The following NKAIN3 variants were observed in gnomAD, a reference collection of about 807,000 sequenced individuals.
NKAIN3 encodes the protein sodium/potassium transporting ATPase interacting 3, also known as sodium/potassium-transporting ATPase subunit beta-1-interacting protein 3.
A neutral mutation model predicts 30.2 loss-of-function variants in NKAIN3; 25 were observed. The ratio of observed to expected loss-of-function variants is 0.83; its 90% confidence interval spans 0.60 to 1.16. The LOEUF is 1.16. Among genes scored for constraint, NKAIN3 ranks in the 50% most tolerant of loss-of-function variants. The pLI is 0.00. For synonymous variants in NKAIN3, 91 were observed against 89.6 expected, an observed-to-expected ratio of 1.02 and a Z score of -0.09; for missense variants, 225 against 254.1, an observed-to-expected ratio of 0.89 and a Z score of 0.78.
intron 3 of NKAIN3, among the ~76,000 whole-genome samples, chr8:62,648,624 GAA>G (rs1812536684): frequency 6.6e-6 from 1 of 152,186 alleles, no homozygotes; most frequent in South Asian, 2.1e-4. Context: ...ACACTTTCAG[GAA>G]AACCTTACCT....
intron 4 of NKAIN3, among the ~76,000 whole-genome samples, chr8:62,904,441 T>G (rs1821715708): frequency 6.6e-6 from 1 of 152,222 alleles, no homozygotes; most frequent in Non-Finnish European, 1.5e-5. Context: ...ATCCATCTGT[T>G]GAAGATGGTA....
intron 1 of NKAIN3, among the ~76,000 whole-genome samples, chr8:62,495,654 A>C (rs1449830547): frequency 1.3e-5 from 2 of 151,952 alleles, no homozygotes; most frequent in South Asian, 2.1e-4. Context: ...ATAAACCTAG[A>C]GTATAGATAG....
chr8:62,956,046 A>C (rs541769368), intron 6 of NKAIN3, among the ~76,000 whole-genome samples: 1 of 152,356 alleles, frequency 6.6e-6, no homozygotes, highest in African/African-American at 2.4e-5. Flanking sequence ...ACTAAGACTG[A>C]ATTGAAATCA....
intron 1 of NKAIN3, among the ~76,000 whole-genome samples, chr8:62,343,604 G>A (rs1232505132): frequency 6.6e-6 from 1 of 151,952 alleles, no homozygotes; most frequent in Non-Finnish European, 1.5e-5. Flanking sequence ...TAGGCCAGGA[G>A]TTTGAGACCA....
chr8:62,784,497 T>C (rs1471106558), intron 4 of NKAIN3, among the ~76,000 whole-genome samples: 7 of 152,060 alleles, frequency 4.6e-5, no homozygotes, highest in Middle Eastern at 3.4e-3. Context: ...GATAATACTA[T>C]GAGCAACTGT....
At chr8:62,922,039 T>C (rs1475875920) in intron 5 of NKAIN3, among the ~76,000 whole-genome samples, 1 of 152,188 alleles carries the variant, frequency 6.6e-6, no homozygotes, top group Non-Finnish European at 1.5e-5. Context: ...GTTGTATATG[T>C]TGAATGATGA....
intron 1 of NKAIN3, among the ~76,000 whole-genome samples, chr8:62,269,569 A>C (rs949589162): frequency 1.3e-5 from 2 of 152,156 alleles, no homozygotes; most frequent in African/African-American, 4.8e-5. Context: ...GTGCATAGCA[A>C]ATTTTAAAAG....
chr8:62,741,783 C>A (rs1297242675), intron 3 of NKAIN3, among the ~76,000 whole-genome samples: 3 of 152,120 alleles, frequency 2.0e-5, no homozygotes, highest in Non-Finnish European at 4.4e-5. Flanking sequence ...ACGCTTTGCT[C>A]TCCTGTTAAT....
intron 3 of NKAIN3, among the ~76,000 whole-genome samples, chr8:62,711,417 G>C: frequency 6.6e-6 from 1 of 152,060 alleles, no homozygotes; most frequent in Non-Finnish European, 1.5e-5. Context: ...ACTTCTTGGA[G>C]GCTTTGTTTG....
intron 4 of NKAIN3, among the ~76,000 whole-genome samples, chr8:62,882,404 C>T (rs955920524): frequency 3.9e-5 from 6 of 152,120 alleles, no homozygotes; most frequent in Admixed American, 1.3e-4. Context: ...ATGCAACCTC[C>T]GCCTCCCAGG....
chr8:62,783,605 C>CTTT (rs386412917), intron 4 of NKAIN3, among the ~76,000 whole-genome samples: 6,026 of 121,346 alleles, frequency 0.05, 341 homozygotes, highest in African/African-American at 0.088. Flanking sequence ...GCAGAATACA[C>CTTT]TTTTTTTTTT....
At chr8:62,421,268 G>A (rs1407518596) in intron 1 of NKAIN3, among the ~76,000 whole-genome samples, 1 of 152,126 alleles carries the variant, frequency 6.6e-6, no homozygotes, top group Non-Finnish European at 1.5e-5. Flanking sequence ...GCAGATAGAA[G>A]AGTATTGCTG....
At chr8:62,282,094 C>T (rs1295622346) in intron 1 of NKAIN3, among the ~76,000 whole-genome samples, 9 of 151,412 alleles carry the variant, frequency 5.9e-5, no homozygotes, top group South Asian at 2.1e-4. Context: ...CTTTTTGTTC[C>T]GGGGGGCTTT....
chr8:62,449,455 A>G lies in NKAIN3; in HGVS notation c.55-130084A>G, dbSNP rs368144762. ...CAGGACTGTCAAAATTATTTCTTTC[A>G]TATATATGTCACCATGCTGGCTTTT... On this transcript the variant is annotated intron_variant, in intron 1 of 6. Coordinates refer to ENST00000623646, the MANE Select transcript of NKAIN3 (RefSeq NM_001304533.3). Among the ~76,000 whole-genome samples the G allele has an allele frequency of 1.5e-4, 23 of 152,072 alleles. 2 individuals carry two copies. In the East Asian group the frequency reaches 2.5e-3, roughly 17 times the overall value.
At chr8:62,931,166 G>C (rs972959062) in intron 5 of NKAIN3, among the ~76,000 whole-genome samples, 1 of 151,954 alleles carries the variant, frequency 6.6e-6, no homozygotes, top group Admixed American at 6.6e-5. Flanking sequence ...CAAAACATTC[G>C]CTGGTTTTTA....
chr8:62,782,470 C>T (rs1817380164), intron 4 of NKAIN3, among the ~76,000 whole-genome samples: 1 of 151,916 alleles, frequency 6.6e-6, no homozygotes, highest in African/African-American at 2.4e-5. Context: ...CACCTGCACT[C>T]ACATGTCTAT....
At position 62,977,245 on chromosome 8, in the gene NKAIN3, G is replaced by A. The variant is rs1823962698; in HGVS notation, c.*11838G>A. ...ATTCTGTATTTCCTAAGCCTGCCTT[G>A]CGAGGTTGGGGAAGTTCTCCTGGAT... On this transcript the variant is annotated 3_prime_UTR_variant, in exon 7 of 7. Transcript: ENST00000623646. 2.0e-5 allele frequency among the ~76,000 whole-genome samples: 3 copies of A among 152,230 alleles called. No individual in the cohort carries two copies. In the South Asian group the frequency reaches 6.2e-4, roughly 32 times the overall value.
chr8:62,900,067 G>GA (rs761332602), intron 4 of NKAIN3, among the ~76,000 whole-genome samples: 32 of 150,788 alleles, frequency 2.1e-4, no homozygotes, highest in African/African-American at 2.4e-5. Context: ...TACCATTCAT[G>GA]AAAAAAAGTT....
downstream of NKAIN3, among the ~76,000 whole-genome samples, chr8:62,985,841 A>C (rs943429618): frequency 2.6e-5 from 4 of 152,114 alleles, no homozygotes; most frequent in Non-Finnish European, 5.9e-5. Flanking sequence ...AACTTTATTT[A>C]AAAGGAAGCA....
Sources: allele counts gnomAD v4.1 joint callset (sites outside exome capture counted in the v4.1 genomes callset), GRCh38; gene constraint gnomAD v4.1.1; transcripts MANE v1.5; gene names NCBI Gene and HGNC (gene_info 2026-07-23, HGNC 2026-07-21).